Variants in ADCY8 observed in about 807,000 individuals in gnomAD.
ADCY8 encodes adenylate cyclase 8.
In ADCY8, 51 loss-of-function variants were observed where a neutral mutation model predicts 119.7. The ratio of observed to expected loss-of-function variants is 0.43; its 90% CI spans 0.34 to 0.54. The LOEUF (loss-of-function observed/expected upper bound fraction) is 0.54, where lower values mean the gene tolerates loss of function less well. ADCY8 is among the 20% of genes least tolerant of loss of function. The pLI is 0.03. For synonymous variants in ADCY8, 665 were observed against 651.0 expected (o/e 1.02, Z -0.33); for missense variants, 1,383 against 1,598.8 (o/e 0.87, Z 2.30).
intron 9 of ADCY8, 126 bp from the exon 10 acceptor site, chr8:130,849,929 G>T: frequency 1.0e-6 from 1 of 957,562 alleles, no homozygotes; most frequent in Non-Finnish European, 1.6e-6. Context: ...GTTTGTCCAA[G>T]AAAAAGGTTA....
At chr8:130,901,683 G>A (rs909598927) in intron 7 of ADCY8, among the ~76,000 whole-genome samples, 1 of 152,114 alleles carries the variant, frequency 6.6e-6, no homozygotes, top group Non-Finnish European at 1.5e-5. Context: ...GGTTTTAATT[G>A]GCTCAGTAAT....
intron 1 of ADCY8, among the ~76,000 whole-genome samples, chr8:131,005,445 C>T (rs1374208107): frequency 6.6e-6 from 1 of 152,198 alleles, no homozygotes; most frequent in East Asian, 1.9e-4. Flanking sequence ...CTTATTTCTT[C>T]CCTGTGTACT....
At chr8:130,959,637 G>A (rs1284957553) in intron 2 of ADCY8, among the ~76,000 whole-genome samples, 4 of 152,196 alleles carry the variant, frequency 2.6e-5, no homozygotes, top group South Asian at 2.1e-4. Context: ...ATGGTTCATC[G>A]AGAGTCCAGA....
intron 11 of ADCY8, among the ~76,000 whole-genome samples, chr8:130,840,345 A>G (rs1817102598): frequency 7.2e-6 from 1 of 138,304 alleles, no homozygotes; most frequent in Admixed American, 7.4e-5. Context: ...CAGAAGATAC[A>G]GAGACTAACA....
intron 1 of ADCY8, among the ~76,000 whole-genome samples, chr8:131,014,130 A>G (rs1469300735): frequency 1.3e-5 from 2 of 152,222 alleles, no homozygotes; most frequent in Non-Finnish European, 2.9e-5. Flanking sequence ...TATAGAGAAT[A>G]GAGTGGCTTA....
At chr8:130,872,641 G>T (rs1317084047) in intron 8 of ADCY8, among the ~76,000 whole-genome samples, 4 of 152,188 alleles carry the variant, frequency 2.6e-5, no homozygotes, top group Non-Finnish European at 5.9e-5. Context: ...AAATGCCACT[G>T]CTATATTTTC....
chr8:130,945,270 C>T (rs955348474), intron 3 of ADCY8, among the ~76,000 whole-genome samples: 4 of 152,130 alleles, frequency 2.6e-5, no homozygotes, highest in Admixed American at 2.6e-4. Context: ...TAGACTTTGT[C>T]CTGAAAGTGA....
At chr8:130,883,862 C>G (rs1039565227) in intron 8 of ADCY8, among the ~76,000 whole-genome samples, 6 of 152,158 alleles carry the variant, frequency 3.9e-5, no homozygotes, top group Admixed American at 3.9e-4. Context: ...TGATAGCTGC[C>G]ATCCTTGAAC....
intron 2 of ADCY8, among the ~76,000 whole-genome samples, chr8:130,964,008 T>C (rs1821686317): frequency 6.6e-6 from 1 of 152,190 alleles, no homozygotes; most frequent in African/African-American, 2.4e-5. Flanking sequence ...ATACATTCCT[T>C]TGATCATGCT....
chr8:130,852,624 A>C lies in ADCY8; in HGVS notation c.2211-2821T>G, dbSNP rs200088479. Among the ~76,000 whole-genome samples the C allele has an allele frequency of 2.0e-5, 3 of 152,182 alleles. No homozygotes were observed. In the East Asian group the frequency reaches 5.8e-4, roughly 29 times the overall value. ...GCAAACCAGGGAAAGGCAGCTTTGA[A>C]AGACGCTGAGTTGGAGCCTCAAATT... On this transcript the variant is annotated intron_variant, in intron 9 of 17. Coordinates refer to ENST00000286355, the MANE Select transcript of ADCY8 (RefSeq NM_001115.3).
chr8:130,930,237 T>C (rs541604483), intron 5 of ADCY8, among the ~76,000 whole-genome samples: 2 of 152,224 alleles, frequency 1.3e-5, no homozygotes, highest in South Asian at 4.2e-4. Flanking sequence ...AGTGTTATAT[T>C]TGGATTCCTT....
chr8:131,025,941 CTAGATTA>C (rs1170919357), intron 1 of ADCY8, among the ~76,000 whole-genome samples: 5 of 152,222 alleles, frequency 3.3e-5, no homozygotes, highest in African/African-American at 1.2e-4. Context: ...GTCTATAACT[CTAGATTA>C]TAATCTCTTT....
intron 2 of ADCY8, among the ~76,000 whole-genome samples, chr8:130,971,760 A>T (rs1169387919): frequency 1.3e-5 from 2 of 152,200 alleles, no homozygotes; most frequent in Non-Finnish European, 2.9e-5. Context: ...GATAAGAGTG[A>T]CAATGGTTTT....
chr8:130,961,008 T>C (rs887648547), intron 2 of ADCY8, among the ~76,000 whole-genome samples: 2 of 151,390 alleles, frequency 1.3e-5, no homozygotes, highest in Non-Finnish European at 3.0e-5. Flanking sequence ...TAATACCTAC[T>C]GACCACTGTT....
At chr8:130,801,649 A>G (rs1242261361) in intron 14 of ADCY8, among the ~76,000 whole-genome samples, 1 of 151,976 alleles carries the variant, frequency 6.6e-6, no homozygotes, top group African/African-American at 2.4e-5. Flanking sequence ...AACTTCTCAA[A>G]CTAGTTACCT....
At chr8:130,920,193 C>A (rs1438621808) in intron 5 of ADCY8, among the ~76,000 whole-genome samples, 2 of 146,136 alleles carry the variant, frequency 1.4e-5, no homozygotes, top group Non-Finnish European at 3.0e-5. Flanking sequence ...GAATGTAAAC[C>A]AAGTTCTCCT....
chr8:130,802,285 C>A (rs1221307097), intron 14 of ADCY8, among the ~76,000 whole-genome samples: 1 of 152,220 alleles, frequency 6.6e-6, no homozygotes, highest in Non-Finnish European at 1.5e-5. Flanking sequence ...TTCAATAAAT[C>A]ATCAAGTTCT....
intron 6 of ADCY8, 89 bp from the exon 7 acceptor site, chr8:130,904,131 G>T (rs1819703386): frequency 8.6e-7 from 1 of 1,168,260 alleles, no homozygotes; most frequent in South Asian, 1.5e-5. Flanking sequence ...CAACACCAGG[G>T]TTACACAAGG....
intron 5 of ADCY8, among the ~76,000 whole-genome samples, chr8:130,918,362 A>T (rs957530556): frequency 3.9e-5 from 6 of 152,186 alleles, no homozygotes; most frequent in Non-Finnish European, 5.9e-5. Flanking sequence ...TAAGGGCACT[A>T]AGCCTCATTT....
Sources: gnomAD v4.1 joint callset for allele counts (sites outside exome capture counted in the v4.1 genomes callset) on GRCh38, gnomAD v4.1.1 for gene constraint, MANE v1.5 for transcripts, NCBI Gene and HGNC (gene_info 2026-07-23, HGNC 2026-07-21) for gene names.